The following TRAPPC9 variants were observed in gnomAD, a reference collection of about 807,000 sequenced individuals.
TRAPPC9 encodes the protein trafficking protein particle complex subunit 9, also known as IKK2 binding protein.
In TRAPPC9, 83 loss-of-function variants were observed where a neutral mutation model predicts 124.0. The observed-to-expected ratio is 0.67, with a 90% confidence interval of 0.56 to 0.80. TRAPPC9 has a LOEUF of 0.80. TRAPPC9 is among the 30% of genes least tolerant of loss of function. The probability of loss-of-function intolerance (pLI) is 0.00; values close to 1 mark genes in which losing one functional copy is unlikely to be tolerated. For missense variants in TRAPPC9, 1,302 were observed against 1,508.3 expected (o/e 0.86, Z 2.27); for synonymous variants, 638 against 617.5 (o/e 1.03, Z -0.49).
At chr8:140,196,936 A>G (rs2062684999) in intron 17 of TRAPPC9, among the ~76,000 whole-genome samples, 1 of 152,130 alleles carries the variant, frequency 6.6e-6, no homozygotes, top group African/African-American at 2.4e-5. Flanking sequence ...GAAAACACAC[A>G]CAACGATCCA....
At chr8:140,398,631 T>C (rs987987995) in intron 6 of TRAPPC9, among the ~76,000 whole-genome samples, 1 of 152,212 alleles carries the variant, frequency 6.6e-6, no homozygotes, top group African/African-American at 2.4e-5. Flanking sequence ...TTAGGATATC[T>C]GGCAGAAGAA....
chr8:139,906,575 G>A (rs908724198), intron 20 of TRAPPC9, among the ~76,000 whole-genome samples: 1 of 152,102 alleles, frequency 6.6e-6, no homozygotes, highest in African/African-American at 2.4e-5. Context: ...GAGAGAAGGG[G>A]GAAGAGAGGA....
At chr8:139,802,517 G>C (rs1244009013) in intron 21 of TRAPPC9, among the ~76,000 whole-genome samples, 1 of 152,214 alleles carries the variant, frequency 6.6e-6, no homozygotes, top group African/African-American at 2.4e-5. Flanking sequence ...TTGGCCCTCT[G>C]ACTCAGTTCC....
chr8:139,879,875 C>T (rs953878092), intron 21 of TRAPPC9, among the ~76,000 whole-genome samples: 3 of 152,212 alleles, frequency 2.0e-5, no homozygotes, highest in Non-Finnish European at 4.4e-5. Context: ...AGAACCAGAG[C>T]TCAGAGCATA....
chr8:139,809,370 G>A (rs1241684537), intron 21 of TRAPPC9, among the ~76,000 whole-genome samples: 3 of 151,964 alleles, frequency 2.0e-5, no homozygotes, highest in Admixed American at 6.5e-5. Context: ...TGACAGTGCT[G>A]GAGAGGGAGG....
At chr8:140,157,564 C>A (rs1293010870) in intron 17 of TRAPPC9, among the ~76,000 whole-genome samples, 1 of 152,182 alleles carries the variant, frequency 6.6e-6, no homozygotes, top group Admixed American at 6.5e-5. Context: ...AGGGGACTGT[C>A]GTCCAATCTG....
chr8:140,053,213 CACAG>C (rs1253118480), intron 17 of TRAPPC9, among the ~76,000 whole-genome samples: 1 of 152,210 alleles, frequency 6.6e-6, no homozygotes, highest in Non-Finnish European at 1.5e-5. Flanking sequence ...AAGCTCCTCC[CACAG>C]ACATTCATTA....
chr8:140,088,617 C>CA (rs1844357950), intron 17 of TRAPPC9, among the ~76,000 whole-genome samples: 1 of 152,140 alleles, frequency 6.6e-6, no homozygotes, highest in African/African-American at 2.4e-5. Context: ...TTTTTCCTAA[C>CA]AAGAAACTCA....
chr8:139,820,592 A>G (rs889043239), intron 21 of TRAPPC9, among the ~76,000 whole-genome samples: 2 of 152,276 alleles, frequency 1.3e-5, no homozygotes, highest in African/African-American at 4.8e-5. Context: ...TAAAGTTCAA[A>G]TGGACAAATA....
intron 19 of TRAPPC9, among the ~76,000 whole-genome samples, chr8:139,975,440 G>A (rs1348473221): frequency 6.6e-6 from 1 of 152,142 alleles, no homozygotes; most frequent in East Asian, 1.9e-4. Context: ...TGCTGGCCTG[G>A]GTCCGCACTT....
chr8:140,173,351 G>A (rs536253255), intron 17 of TRAPPC9, among the ~76,000 whole-genome samples: 159 of 152,162 alleles, frequency 1.0e-3, no homozygotes, highest in African/African-American at 3.6e-3. Flanking sequence ...TCAGGAGATC[G>A]AGACCATCCT....
At chr8:140,226,207 G>A (rs932829565) in intron 16 of TRAPPC9, among the ~76,000 whole-genome samples, 6 of 152,164 alleles carry the variant, frequency 3.9e-5, no homozygotes, top group African/African-American at 1.4e-4. Flanking sequence ...GAAGGTACGA[G>A]AAGGGACATG....
At chr8:140,007,080 C>G (rs1838807833) in intron 18 of TRAPPC9, among the ~76,000 whole-genome samples, 1 of 152,182 alleles carries the variant, frequency 6.6e-6, no homozygotes, top group East Asian at 1.9e-4. Context: ...AAGAGATCCA[C>G]CAAACACACT....
intron 9 of TRAPPC9, among the ~76,000 whole-genome samples, chr8:140,350,249 T>G (rs976907162): frequency 6.6e-6 from 1 of 152,076 alleles, no homozygotes; most frequent in Non-Finnish European, 1.5e-5. Flanking sequence ...ATTTTTGGTC[T>G]CCTGTATTCA....
At chr8:140,381,322 T>A (rs2068601684) in intron 7 of TRAPPC9, among the ~76,000 whole-genome samples, 1 of 151,622 alleles carries the variant, frequency 6.6e-6, no homozygotes, top group African/African-American at 2.4e-5. Flanking sequence ...CCAGAATATA[T>A]AATGAACTCT....
chr8:140,102,872 G>A (rs2060603657), intron 17 of TRAPPC9, among the ~76,000 whole-genome samples: 1 of 152,196 alleles, frequency 6.6e-6, no homozygotes, highest in Admixed American at 6.5e-5. Flanking sequence ...CTGAGCGAGG[G>A]GCTGGGCAGG....
intron 17 of TRAPPC9, among the ~76,000 whole-genome samples, chr8:140,142,089 C>T (rs915324602): frequency 6.6e-6 from 1 of 152,058 alleles, no homozygotes; most frequent in Non-Finnish European, 1.5e-5. Flanking sequence ...CTGGGGCAGT[C>T]GACAGAATGG....
intron 20 of TRAPPC9, among the ~76,000 whole-genome samples, chr8:139,902,433 G>A (rs1469627416): frequency 1.3e-5 from 2 of 152,202 alleles, no homozygotes; most frequent in African/African-American, 4.8e-5. Context: ...GGGCTTCCCT[G>A]CTACGGGAGA....
chr8:140,403,320 T>C (rs1485799059), intron 6 of TRAPPC9, among the ~76,000 whole-genome samples: 1 of 151,778 alleles, frequency 6.6e-6, no homozygotes, highest in East Asian at 1.9e-4. Context: ...GTCCCGCTAC[T>C]CAGGAGGCTA....
Sources: gnomAD v4.1 joint callset for allele counts (sites outside exome capture counted in the v4.1 genomes callset) on GRCh38, gnomAD v4.1.1 for gene constraint, MANE v1.5 for transcripts, NCBI Gene and HGNC (gene_info 2026-07-23, HGNC 2026-07-21) for gene names.